Variants in DRC1 observed in about 807,000 individuals in gnomAD.
The protein encoded by DRC1 is dynein regulatory complex subunit 1, also known as dynein regulatory complex protein 1.
Under a neutral mutation model 98.7 loss-of-function variants are expected in DRC1, and 74 were observed. The ratio of observed to expected loss-of-function variants is 0.75; its 90% CI spans 0.62 to 0.91. The LOEUF (loss-of-function observed/expected upper bound fraction) is 0.91, where lower values mean the gene tolerates loss of function less well. DRC1 is among the 40% of genes least tolerant of loss of function. The pLI, the probability that DRC1 is intolerant of heterozygous loss-of-function variation, is 0.00. For missense variants in DRC1, 875 were observed against 886.0 expected (o/e 0.99, Z 0.16); for synonymous variants, 336 against 334.1 (o/e 1.01, Z -0.06).
chr2:26,436,449 C>A (rs1663573478), intron 7 of DRC1, among the ~76,000 whole-genome samples: 1 of 152,090 alleles, frequency 6.6e-6, no homozygotes, highest in African/African-American at 2.4e-5. Flanking sequence ...ATAGCTGGGA[C>A]TACAGGCACA....
chr2:26,419,626 C>T (rs1320664477), intron 2 of DRC1, among the ~76,000 whole-genome samples: 1 of 152,152 alleles, frequency 6.6e-6, no homozygotes, highest in African/African-American at 2.4e-5. Context: ...ATAGTGAGAT[C>T]AAGTGAAGTC....
chr2:26,441,806 C>T (rs369876025), intron 8 of DRC1, among the ~76,000 whole-genome samples: 1 of 152,126 alleles, frequency 6.6e-6, no homozygotes. Context: ...CCTCTTATTT[C>T]AAACTCAGAC....
At chr2:26,455,698 G>C (rs1364981088) in intron 16 of DRC1, among the ~76,000 whole-genome samples, 1 of 152,244 alleles carries the variant, frequency 6.6e-6, no homozygotes, top group African/African-American at 2.4e-5. Flanking sequence ...CACCAGCCCC[G>C]GTTCCCTGCC....
At chr2:26,415,349 A>C (rs1157433773) in intron 2 of DRC1, among the ~76,000 whole-genome samples, 1 of 152,214 alleles carries the variant, frequency 6.6e-6, no homozygotes, top group African/African-American at 2.4e-5. Flanking sequence ...CTGGTCAGGG[A>C]AAGTTCGATG....
chr2:26,430,877 A>AG lies in DRC1; in HGVS notation c.765+8dup, dbSNP rs764841909. ...CAGGCTCATAATGCCAAAGAGGTAA[A>AG]GGGTGGAGCCTGTCAAGAGTGATCC... is the stretch of plus-strand genomic sequence containing the variant. On this transcript the variant is annotated splice_donor_region_variant and intron_variant, in intron 6 of 16. Coordinates refer to ENST00000288710, the MANE Select transcript of DRC1 (RefSeq NM_145038.5). 1 of 1,612,084 alleles carries AG rather than the reference A, an allele frequency of 6.2e-7. No individual in the cohort carries two copies. Among genetic ancestry groups the AG allele is most frequent in the East Asian group, 2.2e-5 (1 of 44,804 alleles).
intron 1 of DRC1, among the ~76,000 whole-genome samples, chr2:26,403,972 C>T (rs1013937361): frequency 8.3e-4 from 125 of 150,030 alleles, no homozygotes; most frequent in African/African-American, 2.4e-3. Context: ...TGGTGGCGCG[C>T]GCCTGTAATC....
intron 2 of DRC1, among the ~76,000 whole-genome samples, chr2:26,415,935 CA>C (rs59566642): frequency 0.36 from 35,388 of 98,602 alleles, 3,943 homozygotes; most frequent in South Asian, 0.44. Context: ...CTTTCTCTTT[CA>C]AAAAAAAAAA....
intron 4 of DRC1, among the ~76,000 whole-genome samples, chr2:26,427,749 A>T (rs1487885465): frequency 2.0e-5 from 3 of 152,138 alleles, no homozygotes; most frequent in South Asian, 2.1e-4. Flanking sequence ...GTCTCTGCTA[A>T]CTATCATTCT....
intron 2 of DRC1, among the ~76,000 whole-genome samples, chr2:26,419,216 G>T (rs1459909250): frequency 6.6e-6 from 1 of 152,052 alleles, no homozygotes; most frequent in East Asian, 1.9e-4. Flanking sequence ...ATTTTTACAT[G>T]ATACTATAAT....
intron 9 of DRC1, 144 bp downstream of exon 9, chr2:26,444,500 G>A (rs1359581591): frequency 2.1e-5 from 25 of 1,213,620 alleles, no homozygotes; most frequent in Non-Finnish European, 2.6e-5. Flanking sequence ...TTTGTGGTGT[G>A]TTCCCCTGGC....
chr2:26,446,336 A>T (rs913935416), intron 10 of DRC1, among the ~76,000 whole-genome samples: 1 of 151,936 alleles, frequency 6.6e-6, no homozygotes, highest in Non-Finnish European at 1.5e-5. Flanking sequence ...GGCTCAAGCG[A>T]TTCCTTCCCA....
In DRC1 at chr2:26,454,966, C is replaced by T. The variant is rs1341723994; in HGVS notation, c.2064-165C>T. 6.6e-6 allele frequency among the ~76,000 whole-genome samples: 1 copy of T among 152,102 alleles called. No individual in the cohort carries two copies. The highest frequency in any genetic ancestry group is 3.2e-3 in the Middle Eastern group (1 of 316). On this transcript the variant is annotated intron_variant, in intron 15 of 16. Coordinates refer to ENST00000288710, the MANE Select transcript of DRC1 (RefSeq NM_145038.5). This position sits in a 1 kb window ranked among gnomAD's most constrained non-coding sequence, Gnocchi z 5.2. The stretch of plus-strand genomic sequence containing the variant: ...CAGTTGGCTCTTGGGCCCTGGCCTG[C>T]CTGTTCTGTTCCTGCTAACCTGGCT...
intron 16 of DRC1, 69 bp downstream of exon 16, chr2:26,455,302 A>G: frequency 9.5e-6 from 14 of 1,475,452 alleles, no homozygotes; most frequent in Non-Finnish European, 1.2e-5. Flanking sequence ...TGGAGCTGGG[A>G]TTAGGGAACG....
In DRC1 at chr2:26,402,103, C is replaced by A. The variant is rs1308841431; in HGVS notation, c.114C>A (p.Ala38=). The A allele has an allele frequency of 6.2e-7, 1 of 1,612,138 alleles. No individual in the cohort carries two copies. The highest frequency in any genetic ancestry group is 8.5e-7 in the Non-Finnish European group (1 of 1,179,518). The change falls in exon 1 of 17, where the codon GCC becomes GCA. Residue 38 remains alanine (A), a synonymous_variant. Transcript: ENST00000288710. ...HSDNSQERIQ[A]RRLRIAARLE... ...ACAACTCTCAGGAGCGCATCCAGGC[C>A]CGGCGCCTCCGCATCGCTGCGCGCT...
intron 3 of DRC1, among the ~76,000 whole-genome samples, chr2:26,421,761 T>C (rs781093479): frequency 6.6e-6 from 1 of 152,098 alleles, no homozygotes; most frequent in Non-Finnish European, 1.5e-5. Context: ...GGTTTCACCA[T>C]GTTGGCCAGG....
In DRC1 at chr2:26,414,270, C is replaced by T. The variant is rs537834209; in HGVS notation, c.156-74C>T. Reference sequence around the variant, plus strand: ...GGGATTACAGGCATGAGCTACTGTGCCAGGCCAAAACCTTTAAATATAGAA... The same window carrying T: ...GGGATTACAGGCATGAGCTACTGTGTCAGGCCAAAACCTTTAAATATAGAA... On this transcript the variant is annotated intron_variant, in intron 1 of 16. Transcript: ENST00000288710. 29 of 1,509,368 alleles carry T rather than the reference C, an allele frequency of 1.9e-5. No individual in the cohort carries two copies. In the East Asian group the frequency reaches 3.2e-4, roughly 17 times the overall value. 93.5% of individuals were successfully genotyped at this position (1,509,368 alleles called of 1,614,324 possible). A position where few individuals can be genotyped will look rare whatever the true frequency, so the allele number is the denominator to read the frequency against.
intron 1 of DRC1, among the ~76,000 whole-genome samples, chr2:26,402,400 CAATT>C (rs910462809): frequency 6.6e-5 from 10 of 152,154 alleles, no homozygotes; most frequent in African/African-American, 1.7e-4. Flanking sequence ...AAACATCAAA[CAATT>C]AATCGGGCGT....
intron 2 of DRC1, among the ~76,000 whole-genome samples, chr2:26,416,344 G>T (rs1324152890): frequency 1.3e-5 from 2 of 152,068 alleles, no homozygotes; most frequent in African/African-American, 4.8e-5. Flanking sequence ...TTTTCCCCAT[G>T]TTGGCCAGGA....
At chr2:26,424,584 T>C in intron 4 of DRC1, 130 bp downstream of exon 4, 1 of 966,652 alleles carries the variant, frequency 1.0e-6, no homozygotes, top group Middle Eastern at 3.4e-4. Context: ...GCTGTACAAG[T>C]CATGTTATAA....
Sources: gnomAD v4.1 joint callset for allele counts (sites outside exome capture counted in the v4.1 genomes callset) on GRCh38, gnomAD v4.1.1 for gene constraint, Gnocchi (gnomAD v3.1) non-coding constraint, MANE v1.5 for transcripts, NCBI Gene and HGNC (gene_info 2026-07-23, HGNC 2026-07-21) for gene names.